Variants in MAN1A1 observed in about 807,000 individuals in gnomAD.
The protein encoded by MAN1A1 is mannosyl-oligosaccharide 1,2-alpha-mannosidase IA.
In MAN1A1, 29 loss-of-function variants were observed where a neutral mutation model predicts 70.8. The observed-to-expected ratio is 0.41, with a 90% confidence interval of 0.31 to 0.56. The LOEUF (loss-of-function observed/expected upper bound fraction) is 0.56. Among genes scored for constraint, MAN1A1 ranks in the 20% least tolerant of loss-of-function variants. The pLI, the probability that MAN1A1 is intolerant of heterozygous loss-of-function variation, is 0.29. For missense variants in MAN1A1, 747 were observed against 841.3 expected, an observed-to-expected ratio of 0.89 and a Z score of 1.39; for synonymous variants, 349 against 330.1, an observed-to-expected ratio of 1.06 and a Z score of -0.62.
intron 2 of MAN1A1, among the ~76,000 whole-genome samples, chr6:119,317,183 T>A (rs1314613002): frequency 6.6e-6 from 1 of 152,104 alleles, no homozygotes; most frequent in Non-Finnish European, 1.5e-5. Context: ...CTCCTCACTA[T>A]CAACATTACG....
rs1246499756 is a variant in MAN1A1, at chr6:119,302,013, A to C, written c.791T>G (p.Val264Gly). The change falls in exon 4 of 13, where the codon GTT (valine) becomes GGT (glycine). Residue 264 changes from valine (V) to glycine (G), a missense_variant. Transcript: ENST00000368468. The stretch of plus-strand genomic sequence containing the variant: ...CACATTAAAATCTAAATTTTCTTCA[A>C]CCCATGATTTTGCTTCTTCAAATTC... ...KHEFEEAKSW[V>G]EENLDFNVNA... 5.6e-5 allele frequency: 90 copies of C among 1,595,912 alleles called. No individual in the cohort carries two copies. Among genetic ancestry groups the C allele is most frequent in the Non-Finnish European group, 7.6e-5 (88 of 1,164,938 alleles).
At chr6:119,203,948 C>T (rs1042733989) in intron 7 of MAN1A1, among the ~76,000 whole-genome samples, 1 of 151,908 alleles carries the variant, frequency 6.6e-6, no homozygotes, top group African/African-American at 2.4e-5. Context: ...GAGTGAATAT[C>T]AACAAGCAGA....
intron 6 of MAN1A1, among the ~76,000 whole-genome samples, chr6:119,235,022 C>T (rs2114291586): frequency 6.6e-6 from 1 of 152,296 alleles, no homozygotes; most frequent in East Asian, 1.9e-4. Context: ...ACCACGTCCA[C>T]ATAAAATGAT....
intron 11 of MAN1A1, 40 bp from the exon 12 acceptor site, chr6:119,180,467 T>A: frequency 9.6e-7 from 1 of 1,043,926 alleles, no homozygotes; most frequent in Non-Finnish European, 1.5e-6. Flanking sequence ...CACATTTCAG[T>A]AAACTGATTG....
intron 5 of MAN1A1, among the ~76,000 whole-genome samples, chr6:119,260,656 T>A (rs1487488874): frequency 6.6e-6 from 1 of 152,210 alleles, no homozygotes; most frequent in Non-Finnish European, 1.5e-5. Flanking sequence ...TTTTTTCATT[T>A]AGAGGCTTTA....
intron 2 of MAN1A1, among the ~76,000 whole-genome samples, chr6:119,330,600 T>C (rs951339864): frequency 3.9e-5 from 6 of 152,146 alleles, no homozygotes; most frequent in Non-Finnish European, 8.8e-5. Context: ...TTCTGCAACT[T>C]GAAACCCTCC....
At chr6:119,197,297 G>A (rs954404813) in intron 8 of MAN1A1, among the ~76,000 whole-genome samples, 12 of 148,816 alleles carry the variant, frequency 8.1e-5, no homozygotes, top group Admixed American at 1.3e-4. Context: ...GTAAGACTCC[G>A]TCTCCAAAAA....
At chr6:119,258,444 T>G (rs2299879) in intron 5 of MAN1A1, among the ~76,000 whole-genome samples, 1 of 151,974 alleles carries the variant, frequency 6.6e-6, no homozygotes, top group Non-Finnish European at 1.5e-5. Flanking sequence ...ACTATTTACA[T>G]AGCAATGACA....
intron 6 of MAN1A1, among the ~76,000 whole-genome samples, chr6:119,218,740 T>C (rs1774274659): frequency 6.6e-6 from 1 of 152,112 alleles, no homozygotes; most frequent in South Asian, 2.1e-4. Context: ...TGAATGAATA[T>C]GTATGTATGA....
At chr6:119,347,238 C>G (rs1490042562) in intron 2 of MAN1A1, among the ~76,000 whole-genome samples, 1 of 152,200 alleles carries the variant, frequency 6.6e-6, no homozygotes, top group Non-Finnish European at 1.5e-5. Flanking sequence ...AATCCCATGA[C>G]AATCCTGCTG....
At chr6:119,295,632 G>A (rs1254573071) in intron 4 of MAN1A1, among the ~76,000 whole-genome samples, 1 of 152,078 alleles carries the variant, frequency 6.6e-6, no homozygotes, top group Non-Finnish European at 1.5e-5. Context: ...TCTATTCTGA[G>A]TGTTTGATTT....
Position 119,178,361 on chromosome 6 carries a change from G to A in MAN1A1, c.*1458C>T, listed in dbSNP as rs1435284662. On this transcript the variant is annotated 3_prime_UTR_variant, in exon 13 of 13. Transcript: ENST00000368468. ...TTCATATGTTTCAGCCTAATCCATG[G>A]GGTTGTACTGATCTTTCTGACCATT... is the stretch of plus-strand genomic sequence containing the variant. 6.6e-6 allele frequency: 1 copy of A among 152,088 alleles called. No homozygotes were observed. The highest frequency in any genetic ancestry group is 2.1e-4 in the South Asian group (1 of 4,808). The allele number at this position is 152,088 out of a possible 1,614,324, so 9.4% of individuals were successfully genotyped here. A position where few individuals can be genotyped will look rare whatever the true frequency, so the allele number is the denominator to read the frequency against.
intron 6 of MAN1A1, among the ~76,000 whole-genome samples, chr6:119,210,523 G>A (rs1033694143): frequency 3.9e-5 from 6 of 152,028 alleles, no homozygotes; most frequent in African/African-American, 1.2e-4. Context: ...TTGCTGTTGA[G>A]TGCATACTAT....
chr6:119,343,005 G>A (rs1773637588), intron 2 of MAN1A1, among the ~76,000 whole-genome samples: 1 of 151,712 alleles, frequency 6.6e-6, no homozygotes, highest in Non-Finnish European at 1.5e-5. Flanking sequence ...TCTTTATAAA[G>A]AAAACAAGAT....
chr6:119,342,798 T>A (rs1357056013), intron 2 of MAN1A1, among the ~76,000 whole-genome samples: 1 of 152,214 alleles, frequency 6.6e-6, no homozygotes, highest in Non-Finnish European at 1.5e-5. Context: ...TGGTGCAATA[T>A]CAGAAGAGCA....
chr6:119,301,084 G>A (rs1772378141), intron 4 of MAN1A1, among the ~76,000 whole-genome samples: 2 of 152,194 alleles, frequency 1.3e-5, no homozygotes, highest in Admixed American at 1.3e-4. Flanking sequence ...CACACAGCAT[G>A]TTACTTGTGC....
chr6:119,326,059 C>T (rs1363000711), intron 2 of MAN1A1, among the ~76,000 whole-genome samples: 3 of 152,222 alleles, frequency 2.0e-5, no homozygotes, highest in African/African-American at 4.8e-5. Flanking sequence ...TGCTGAGGTC[C>T]GAGGGGAGTG....
chr6:119,251,153 T>G (rs1775307299), intron 5 of MAN1A1, among the ~76,000 whole-genome samples: 1 of 152,228 alleles, frequency 6.6e-6, no homozygotes, highest in Non-Finnish European at 1.5e-5. Flanking sequence ...GCCTGCTTGT[T>G]TCCTTATTTC....
intron 4 of MAN1A1, among the ~76,000 whole-genome samples, chr6:119,299,871 G>T (rs895981896): frequency 2.6e-5 from 4 of 152,122 alleles, no homozygotes; most frequent in Non-Finnish European, 2.9e-5. Flanking sequence ...AAATAAAACT[G>T]CTCCTCATCC....
Sources: gnomAD v4.1 joint callset for allele counts (sites outside exome capture counted in the v4.1 genomes callset) on GRCh38, gnomAD v4.1.1 for gene constraint, MANE v1.5 for transcripts, NCBI Gene and HGNC (gene_info 2026-07-23, HGNC 2026-07-21) for gene names.